LRRC7: variants seen among roughly 807,000 people sequenced by gnomAD.
The protein encoded by LRRC7 is leucine rich repeat containing 7.
Under a neutral mutation model 175.7 loss-of-function variants are expected in LRRC7, and 23 were observed. The ratio of observed to expected loss-of-function variants is 0.13; its 90% CI spans 0.09 to 0.19. LRRC7 has a LOEUF of 0.19. Ranked by LOEUF, LRRC7 falls within the 10% of genes least tolerant of loss-of-function variation. LRRC7 has a pLI of 1.00. For missense variants in LRRC7, 1,354 were observed against 1,904.7 expected (o/e 0.71, Z 5.38); for synonymous variants, 685 against 680.9 (o/e 1.01, Z -0.09).
At chr1:69,820,531 A>G (rs982329097) in intron 4 of LRRC7, among the ~76,000 whole-genome samples, 12 of 151,658 alleles carry the variant, frequency 7.9e-5, no homozygotes, top group African/African-American at 2.7e-4. Context: ...CCCCCAACAG[A>G]CCCCAGTGTG....
intron 18 of LRRC7, among the ~76,000 whole-genome samples, chr1:70,032,651 T>G (rs17131136): frequency 0.095 from 14,473 of 152,202 alleles, 692 homozygotes; most frequent in South Asian, 0.13. Context: ...TAGAGGAACA[T>G]CTTTCTTCCA....
At chr1:69,864,429 C>T (rs1684694010) in intron 7 of LRRC7, among the ~76,000 whole-genome samples, 1 of 152,136 alleles carries the variant, frequency 6.6e-6, no homozygotes, top group African/African-American at 2.4e-5. Flanking sequence ...CAGCTTCAAA[C>T]ATGTACTATT....
chr1:69,605,489 C>T lies in LRRC7; in HGVS notation c.2+36848C>T, dbSNP rs184319226. Among the ~76,000 whole-genome samples the T allele has an allele frequency of 1.1e-3, 170 of 152,226 alleles. 1 individual carries two copies. Among genetic ancestry groups the T allele is most frequent in the Middle Eastern group, 6.8e-3 (2 of 294 alleles). On this transcript the variant is annotated intron_variant, in intron 1 of 26. Transcript: ENST00000651989. ...AAAGCTATTGAGAACTTGCTTTGTG[C>T]AGGGCACTTACTGCATGTCATAGAG...
At chr1:69,619,323 A>G (rs1487242222) in intron 1 of LRRC7, among the ~76,000 whole-genome samples, 1 of 152,182 alleles carries the variant, frequency 6.6e-6, no homozygotes, top group Non-Finnish European at 1.5e-5. Context: ...AACTACTATT[A>G]TCTTAAAGCA....
At chr1:70,096,959 T>G (rs1349219401) in intron 25 of LRRC7, among the ~76,000 whole-genome samples, 1 of 152,232 alleles carries the variant, frequency 6.6e-6, no homozygotes, top group Non-Finnish European at 1.5e-5. Flanking sequence ...GCAGTCTCAA[T>G]GCTTTTACTC....
intron 7 of LRRC7, among the ~76,000 whole-genome samples, chr1:69,901,717 T>C (rs1328728392): frequency 3.9e-5 from 6 of 152,190 alleles, no homozygotes; most frequent in African/African-American, 9.6e-5. Context: ...TGCAGAGAAC[T>C]TTATTAAAAA....
chr1:69,761,221 C>T (rs777840741), intron 3 of LRRC7, among the ~76,000 whole-genome samples: 7 of 151,780 alleles, frequency 4.6e-5, no homozygotes, highest in East Asian at 1.9e-4. Context: ...AGGATTTATA[C>T]GGCTGAGAAG....
At chr1:69,993,455 GA>G (rs1184990968) in intron 10 of LRRC7, among the ~76,000 whole-genome samples, 1 of 152,098 alleles carries the variant, frequency 6.6e-6, no homozygotes, top group Non-Finnish European at 1.5e-5. Context: ...AAATATTTGA[GA>G]AATATGGGCA....
At chr1:69,710,035 T>A (rs773019775) in intron 2 of LRRC7, among the ~76,000 whole-genome samples, 1 of 151,952 alleles carries the variant, frequency 6.6e-6, no homozygotes, top group Non-Finnish European at 1.5e-5. Flanking sequence ...CTTAGCACTT[T>A]GGGAGGCCAA....
chr1:70,088,674 ACTTTAC>A (rs1663792521), intron 24 of LRRC7, among the ~76,000 whole-genome samples: 2 of 152,110 alleles, frequency 1.3e-5, no homozygotes, highest in Admixed American at 6.6e-5. Flanking sequence ...ACCCTGTCCC[ACTTTAC>A]CTGGAGAACT....
rs190446514 is a variant in LRRC7 at position 69,726,179 on chromosome 1, A to G, written c.101-34012A>G. ...TGAGAAACTGAGATGCAGAGAAGTT[A>G]CTTAAGTGGCTTTTTGACAGTTACC... On this transcript the variant is annotated intron_variant, in intron 2 of 26. Coordinates refer to ENST00000651989, the MANE Select transcript of LRRC7 (RefSeq NM_001370785.2). Among the ~76,000 whole-genome samples, 295 of 152,302 alleles carry G rather than the reference A, an allele frequency of 1.9e-3. 1 individual carries two copies. The highest frequency in any genetic ancestry group is 0.011 in the East Asian group (57 of 5,174).
chr1:70,013,667 C>T (rs575770160), intron 13 of LRRC7, among the ~76,000 whole-genome samples: 2 of 151,996 alleles, frequency 1.3e-5, no homozygotes, highest in South Asian at 4.1e-4. Flanking sequence ...GTGCAAACCT[C>T]AATTCATCTT....
chr1:69,743,356 G>A (rs1445405546), intron 2 of LRRC7, among the ~76,000 whole-genome samples: 2 of 152,034 alleles, frequency 1.3e-5, no homozygotes, highest in Non-Finnish European at 2.9e-5. Context: ...TAAAGATGAT[G>A]ATTGATTTCT....
In LRRC7 at chr1:70,131,287, C is replaced by T. The variant is rs1666653578; in HGVS notation, c.*9400C>T. Among the ~76,000 whole-genome samples, 1 of 152,138 alleles carries T rather than the reference C, an allele frequency of 6.6e-6. No homozygotes were observed. The highest frequency in any genetic ancestry group is 6.5e-5 in the Admixed American group (1 of 15,278). ...GAAGGGACAAAAAATGGAATCCAGC[C>T]CCTTAAAACAAAAATGATATCTAAC... is the stretch of plus-strand genomic sequence containing the variant. On this transcript the variant is annotated 3_prime_UTR_variant, in exon 27 of 27. Coordinates refer to ENST00000651989, the MANE Select transcript of LRRC7 (RefSeq NM_001370785.2).
intron 2 of LRRC7, among the ~76,000 whole-genome samples, chr1:69,745,412 G>A (rs1669147197): frequency 6.6e-6 from 1 of 151,790 alleles, no homozygotes; most frequent in Non-Finnish European, 1.5e-5. Flanking sequence ...AAATAATTAA[G>A]CAATTTTGCA....
chr1:69,755,463 A>G (rs1057423643), intron 2 of LRRC7, among the ~76,000 whole-genome samples: 1 of 150,228 alleles, frequency 6.7e-6, no homozygotes, highest in Non-Finnish European at 1.5e-5. Flanking sequence ...TCAGCAGATA[A>G]TAAACTTCAG....
intron 1 of LRRC7, among the ~76,000 whole-genome samples, chr1:69,649,394 T>C (rs563089436): frequency 6.6e-6 from 1 of 152,316 alleles, no homozygotes; most frequent in South Asian, 2.1e-4. Context: ...GTGCTTTGCC[T>C]AACCAAGATT....
chr1:69,929,915 G>T lies in LRRC7; in HGVS notation c.648-1592G>T, dbSNP rs185702649. On this transcript the variant is annotated intron_variant, in intron 7 of 26. Transcript: ENST00000651989. ...CTCTCTCTCTTCTTTAGCCATACTG[G>T]TCTGCTAGGATGTCTTCAAGCAAGT... Among the ~76,000 whole-genome samples, 12 of 151,928 alleles carry T rather than the reference G, an allele frequency of 7.9e-5. No individual in the cohort carries two copies. The East Asian group carries it at 2.3e-3, about 30-fold the overall frequency.
At chr1:70,119,712 A>G (rs1319944647) in intron 26 of LRRC7, among the ~76,000 whole-genome samples, 1 of 152,126 alleles carries the variant, frequency 6.6e-6, no homozygotes. Context: ...CATACCATTC[A>G]TGGCCTCCAA....
Sources: allele counts gnomAD v4.1 joint callset (sites outside exome capture counted in the v4.1 genomes callset), GRCh38; gene constraint gnomAD v4.1.1; transcripts MANE v1.5; gene names NCBI Gene and HGNC (gene_info 2026-07-23, HGNC 2026-07-21).